PLPP4: variants seen among roughly 807,000 people sequenced by gnomAD.
The protein encoded by PLPP4 is phospholipid phosphatase 4.
PLPP4 carries 20 observed loss-of-function variants against 32.2 expected under a neutral mutation model. That is an observed-to-expected ratio of 0.62 (90% CI 0.44 to 0.90). The LOEUF is 0.90. Ranked by LOEUF, PLPP4 falls within the 40% of genes least tolerant of loss-of-function variation. The pLI is 0.00. For missense variants in PLPP4, 257 were observed against 353.1 expected (o/e 0.73, Z 2.18); for synonymous variants, 127 against 133.0 (o/e 0.95, Z 0.31).
rs1346415767 is a variant in PLPP4 at position 120,589,283 on chromosome 10, C to T, written c.617-20C>T. The T allele has an allele frequency of 6.2e-7, 1 of 1,610,388 alleles. No individual in the cohort carries two copies. The highest frequency in any genetic ancestry group is 1.7e-4 in the Middle Eastern group (1 of 6,040). On this transcript the variant is annotated intron_variant, in intron 6 of 6. Coordinates refer to ENST00000398250, the MANE Select transcript of PLPP4 (RefSeq NM_001030059.3). ...AACAAATGGTAACCCATTTTTCCTG[C>T]TCTGCTGTTTCCTGCCTAGATTCCT... is the stretch of plus-strand genomic sequence containing the variant.
At chr10:120,545,182 A>C (rs993091560) in intron 5 of PLPP4, among the ~76,000 whole-genome samples, 1 of 152,254 alleles carries the variant, frequency 6.6e-6, no homozygotes, top group Admixed American at 6.5e-5. Flanking sequence ...AGCACCTGCC[A>C]TTGCCCAATT....
chr10:120,490,302 A>T (rs1487632221), intron 1 of PLPP4, among the ~76,000 whole-genome samples: 1 of 152,234 alleles, frequency 6.6e-6, no homozygotes, highest in East Asian at 1.9e-4. Context: ...TTGCATTTGA[A>T]TTGAGAAGTT....
chr10:120,463,268 T>C (rs979094155), intron 1 of PLPP4, among the ~76,000 whole-genome samples: 6 of 152,142 alleles, frequency 3.9e-5, no homozygotes, highest in East Asian at 1.9e-4. Flanking sequence ...CCTCGTGATC[T>C]GCCCACCTTG....
intron 1 of PLPP4, 95 bp downstream of exon 1, chr10:120,457,456 C>T: frequency 8.7e-7 from 1 of 1,148,026 alleles, no homozygotes. Flanking sequence ...CAGCCGCTTC[C>T]CACTGGGGCC....
In PLPP4 at chr10:120,575,128, C is replaced by A; in HGVS notation, c.446-3C>A. 6.2e-7 allele frequency: 1 copy of A among 1,611,894 alleles called. No individual in the cohort carries two copies. The highest frequency in any genetic ancestry group is 8.5e-7 in the Non-Finnish European group (1 of 1,178,710). ...AGTAACACCTGCTGTTTCTGTTTGG[C>A]AGTTGCCTTTTCGGGCCTTGGCTTC... is the stretch of plus-strand genomic sequence containing the variant. On this transcript the variant is annotated splice_region_variant and splice_polypyrimidine_tract_variant and intron_variant, in intron 5 of 6. Transcript: ENST00000398250.
chr10:120,524,648 G>A (rs950896936), intron 5 of PLPP4, among the ~76,000 whole-genome samples: 1 of 152,186 alleles, frequency 6.6e-6, no homozygotes, highest in Non-Finnish European at 1.5e-5. Context: ...GGGCTTTTGT[G>A]TCAAACTCTC....
rs373059730 is a variant in PLPP4, at chr10:120,518,834, G to A, written c.258G>A (p.Ala86=). ...CTGTCTGTTGGTTTTGTTTTGTAGC[G>A]GTGTCCTTGGCTCTTGCTTTGAATG... The part of the protein sequence containing the change: ...DKTEIKEAFL[A]VSLALALNGV... The change falls in exon 4 of 7, where the codon GCG becomes GCA. Residue 86 remains alanine (A), a splice_region_variant and synonymous_variant. Transcript: ENST00000398250. The A allele has an allele frequency of 9.2e-5, 148 of 1,610,890 alleles. No homozygotes were observed. The highest frequency in any genetic ancestry group is 5.3e-4 in the South Asian group (48 of 90,254).
At chr10:120,581,053 C>T in intron 6 of PLPP4, 3 of 1,286,026 alleles carry the variant, frequency 2.3e-6, no homozygotes, top group Middle Eastern at 2.2e-4. Flanking sequence ...GCCCCTGGCT[C>T]ACCCCTCCCT....
At chr10:120,513,782 TGAG>T in intron 2 of PLPP4, 126 bp from the exon 3 acceptor site, 2 of 749,830 alleles carry the variant, frequency 2.7e-6, no homozygotes, top group Non-Finnish European at 2.3e-6. Flanking sequence ...TTTGTTTGTT[TGAG>T]GTCAGGAGTT....
At chr10:120,505,516 G>A (rs997866292) in intron 2 of PLPP4, among the ~76,000 whole-genome samples, 6 of 152,224 alleles carry the variant, frequency 3.9e-5, no homozygotes, top group South Asian at 2.1e-4. Flanking sequence ...GAACATTTTT[G>A]TATTTTGAAA....
At chr10:120,518,350 G>A (rs572403435) in intron 3 of PLPP4, among the ~76,000 whole-genome samples, 23 of 152,222 alleles carry the variant, frequency 1.5e-4, no homozygotes, top group Middle Eastern at 3.4e-3. Flanking sequence ...GACAGCTGTC[G>A]GCCGGTGATG....
At chr10:120,577,797 G>A (rs1478393364) in intron 6 of PLPP4, among the ~76,000 whole-genome samples, 1 of 152,162 alleles carries the variant, frequency 6.6e-6, no homozygotes, top group African/African-American at 2.4e-5. Context: ...GAGTCAGCCA[G>A]GAGAGGAACA....
At chr10:120,528,351 G>A (rs1846526604) in intron 5 of PLPP4, among the ~76,000 whole-genome samples, 2 of 152,116 alleles carry the variant, frequency 1.3e-5, no homozygotes, top group African/African-American at 4.8e-5. Flanking sequence ...TGGGATTACA[G>A]ACGTGAGCCA....
rs985688667 is a variant in PLPP4 at position 120,591,997 on chromosome 10, A to G, written c.*2495A>G. Among the ~76,000 whole-genome samples the G allele has an allele frequency of 2.6e-5, 4 of 152,166 alleles. No homozygotes were observed. The highest frequency in any genetic ancestry group is 1.3e-4 in the Admixed American group (2 of 15,272). ...CATTTTTACAGATCCTTATGTTTCA[A>G]TTTCATGCTCTATTCACGTGAAGTA... On this transcript the variant is annotated 3_prime_UTR_variant, in exon 7 of 7. Coordinates refer to ENST00000398250, the MANE Select transcript of PLPP4 (RefSeq NM_001030059.3).
intron 5 of PLPP4, among the ~76,000 whole-genome samples, chr10:120,536,764 A>G (rs1341087323): frequency 6.6e-6 from 1 of 152,080 alleles, no homozygotes; most frequent in Non-Finnish European, 1.5e-5. Flanking sequence ...ATGAAAAGAC[A>G]ACCTTGAAAT....
At chr10:120,518,717 T>G in intron 3 of PLPP4, 116 bp from the exon 4 acceptor site, 1 of 791,718 alleles carries the variant, frequency 1.3e-6, no homozygotes. Flanking sequence ...TCGTTCATAT[T>G]TCTCTGGTCA....
At position 120,551,126 on chromosome 10, in the gene PLPP4, A is replaced by C. The variant is rs77539446; in HGVS notation, c.446-24005A>C. ...CATAAAGGGAACTGTATGTATGATC[A>C]GTAAGCACATGAAAAGGTGCTCCAT... is the stretch of plus-strand genomic sequence containing the variant. On this transcript the variant is annotated intron_variant, in intron 5 of 6. Coordinates refer to ENST00000398250, the MANE Select transcript of PLPP4 (RefSeq NM_001030059.3). Among the ~76,000 whole-genome samples, 1,252 of 152,318 alleles carry C rather than the reference A, an allele frequency of 8.2e-3. 23 individuals are homozygous for C. Among genetic ancestry groups the C allele is most frequent in the African/African-American group, 0.029 (1,203 of 41,588 alleles).
chr10:120,575,033 T>C (rs1849148002), intron 5 of PLPP4, 98 bp from the exon 6 acceptor site: 1 of 1,314,260 alleles, frequency 7.6e-7, no homozygotes, highest in East Asian at 2.3e-5. Flanking sequence ...GGCCTTGGCC[T>C]TGGGGGTGTG....
intron 1 of PLPP4, among the ~76,000 whole-genome samples, chr10:120,461,531 CT>C (rs1169672302): frequency 2.0e-5 from 3 of 152,094 alleles, no homozygotes; most frequent in Non-Finnish European, 1.5e-5. Context: ...CAGGGTCCCC[CT>C]AGGAGCTGCT....
Sources: gnomAD v4.1 joint callset for allele counts (sites outside exome capture counted in the v4.1 genomes callset) on GRCh38, gnomAD v4.1.1 for gene constraint, MANE v1.5 for transcripts, NCBI Gene and HGNC (gene_info 2026-07-23, HGNC 2026-07-21) for gene names.